DNAJC5: variants seen among roughly 807,000 people sequenced by gnomAD.
DNAJC5 encodes the protein DnaJ heat shock protein family (Hsp40) member C5.
Under a neutral mutation model 23.2 loss-of-function variants are expected in DNAJC5, and 1 was observed. That is an observed-to-expected ratio of 0.04 (90% CI 0.02 to 0.20). The LOEUF (loss-of-function observed/expected upper bound fraction) is 0.20. DNAJC5 is among the 10% of genes least tolerant of loss of function. DNAJC5 has a pLI of 1.00. For missense variants in DNAJC5, 180 were observed against 267.0 expected, an observed-to-expected ratio of 0.67 and a Z score of 2.27; for synonymous variants, 136 against 120.0, an observed-to-expected ratio of 1.13 and a Z score of -0.87.
intron 1 of DNAJC5, among the ~76,000 whole-genome samples, chr20:63,899,099 T>G (rs1205993569): frequency 1.3e-5 from 2 of 152,174 alleles, no homozygotes; most frequent in African/African-American, 4.8e-5. Context: ...TTCTGTCAGA[T>G]GAGGGTAGTG....
At chr20:63,918,268 G>A (rs1437199123) in intron 1 of DNAJC5, among the ~76,000 whole-genome samples, 1 of 152,164 alleles carries the variant, frequency 6.6e-6, no homozygotes, top group African/African-American at 2.4e-5. Context: ...TATAGTCCCA[G>A]CTACTCAGAG....
At chr20:63,906,755 C>T (rs1640502572) in intron 1 of DNAJC5, among the ~76,000 whole-genome samples, 1 of 152,066 alleles carries the variant, frequency 6.6e-6, no homozygotes, top group Non-Finnish European at 1.5e-5. Context: ...CACTGCACTC[C>T]AGCCTGGGTG....
chr20:63,912,509 A>C (rs1439167690), intron 1 of DNAJC5, among the ~76,000 whole-genome samples: 1 of 152,166 alleles, frequency 6.6e-6, no homozygotes, highest in African/African-American at 2.4e-5. Context: ...TACCCTTTTA[A>C]CTGTGTTCCA....
At chr20:63,902,616 C>T (rs1600860018) in intron 1 of DNAJC5, among the ~76,000 whole-genome samples, 3 of 150,018 alleles carry the variant, frequency 2.0e-5, no homozygotes, top group South Asian at 2.1e-4. Context: ...GATCCACTCA[C>T]CTCGGCCTCC....
rs2053637846 is a variant in DNAJC5, at chr20:63,928,862, A to C, written c.107+410A>C. ...GAACTGCACTCTTGGGTACAGTTTC[A>C]TTGAGTAACCTGTAAGAGACACCAT... On this transcript the variant is annotated intron_variant, in intron 2 of 4. Coordinates refer to ENST00000360864, the MANE Select transcript of DNAJC5 (RefSeq NM_025219.3). The surrounding 1 kb of genome is among the most constrained non-coding windows in gnomAD (Gnocchi z 4.6). Among the ~76,000 whole-genome samples, 1 of 152,184 alleles carries C rather than the reference A, an allele frequency of 6.6e-6. No homozygotes were observed. The highest frequency in any genetic ancestry group is 1.5e-5 in the Non-Finnish European group (1 of 68,030).
chr20:63,906,648 G>A (rs1438809755), intron 1 of DNAJC5, among the ~76,000 whole-genome samples: 1 of 151,986 alleles, frequency 6.6e-6, no homozygotes, highest in East Asian at 1.9e-4. Flanking sequence ...CGGGTGTGAT[G>A]GTGGGCGCCT....
chr20:63,913,052 G>C (rs906665914), intron 1 of DNAJC5, among the ~76,000 whole-genome samples: 1 of 79,328 alleles, frequency 1.3e-5, no homozygotes, highest in Non-Finnish European at 2.2e-5. Context: ...GGCATCTAGA[G>C]CAAAGAGGTA....
intron 1 of DNAJC5, chr20:63,919,945 C>T (rs202033298): frequency 0.059 from 15,790 of 267,042 alleles, 2,770 homozygotes; most frequent in East Asian, 0.25. Flanking sequence ...GCCCAGGGCC[C>T]GGGACAGCGC....
At chr20:63,930,061 GT>G (rs1247462741) in intron 3 of DNAJC5, among the ~76,000 whole-genome samples, 1 of 152,204 alleles carries the variant, frequency 6.6e-6, no homozygotes, top group South Asian at 2.1e-4. Context: ...TCGTTTCCTC[GT>G]TTTGTTCCAA....
intron 1 of DNAJC5, among the ~76,000 whole-genome samples, chr20:63,912,568 C>G (rs1195841435): frequency 6.6e-6 from 1 of 152,166 alleles, no homozygotes; most frequent in Admixed American, 6.5e-5. Flanking sequence ...CCTTGCCTGA[C>G]CTACCTGTCT....
chr20:63,903,026 TAGAG>T (rs113595650), intron 1 of DNAJC5, among the ~76,000 whole-genome samples: 10,164 of 151,890 alleles, frequency 0.067, 470 homozygotes, highest in Non-Finnish European at 0.079. Context: ...TCACCCAAGT[TAGAG>T]AGGAGTGACA....
Position 63,929,251 on chromosome 20 carries a change from G to A in DNAJC5, c.108-61G>A, listed in dbSNP as rs116782755. 1,984 of 1,559,258 alleles carry A rather than the reference G, an allele frequency of 1.3e-3. 19 individuals are homozygous for A. In the African/African-American group the frequency reaches 0.024, roughly 19 times the overall value. ...CAGTGCGTGCGGGTGGGATGGACGC[G>A]GCGGCGGGTGCGGGTGGAACAAAGT... On this transcript the variant is annotated intron_variant, in intron 2 of 4. Transcript: ENST00000360864. The surrounding 1 kb of genome is among the most constrained non-coding windows in gnomAD (Gnocchi z 8.6).
rs1194590928 is a variant in DNAJC5, at chr20:63,934,149, C to G, written c.*2581C>G. 1 of 152,254 alleles carries G rather than the reference C, an allele frequency of 6.6e-6. No homozygotes were observed. Among genetic ancestry groups the G allele is most frequent in the African/African-American group, 2.4e-5 (1 of 41,450 alleles). The allele number at this position is 152,254 out of a possible 1,614,324, so 9.4% of individuals were successfully genotyped here. A position where few individuals can be genotyped will look rare whatever the true frequency, so the allele number is the denominator to read the frequency against. On this transcript the variant is annotated 3_prime_UTR_variant, in exon 5 of 5. Coordinates refer to ENST00000360864, the MANE Select transcript of DNAJC5 (RefSeq NM_025219.3). ...TAGAAGCAGAACCGTTTTCAGCGCTCTGCCCTGTTGGCTTTAAGGCTTTGT... is the reference window on the plus strand; with the variant it reads ...TAGAAGCAGAACCGTTTTCAGCGCTGTGCCCTGTTGGCTTTAAGGCTTTGT...
intron 1 of DNAJC5, among the ~76,000 whole-genome samples, chr20:63,910,970 G>A (rs756539340): frequency 6.6e-6 from 1 of 152,118 alleles, no homozygotes; most frequent in African/African-American, 2.4e-5. Context: ...TGCCCGGCCT[G>A]TTCAATTCTT....
rs1277750635 is a variant in DNAJC5, at chr20:63,932,609, T to G, written c.*1041T>G. ...CTCCCACGACCCCTCCTCCTGTGTTTGCCAGAGCTCCCATCTGCCCCACTC... is the reference window on the plus strand; with the variant it reads ...CTCCCACGACCCCTCCTCCTGTGTTGGCCAGAGCTCCCATCTGCCCCACTC... On this transcript the variant is annotated 3_prime_UTR_variant, in exon 5 of 5. Transcript: ENST00000360864. The surrounding 1 kb of genome is among the most constrained non-coding windows in gnomAD (Gnocchi z 4.4). 1 of 152,574 alleles carries G rather than the reference T, an allele frequency of 6.6e-6. No individual in the cohort carries two copies. The highest frequency in any genetic ancestry group is 1.5e-5 in the Non-Finnish European group (1 of 68,106). The allele number at this position is 152,574 out of a possible 1,614,324, so 9.5% of individuals were successfully genotyped here.
At position 63,935,353 on chromosome 20, in the gene DNAJC5, A is replaced by T. The variant is rs2053709298; in HGVS notation, c.*3785A>T. On this transcript the variant is annotated 3_prime_UTR_variant, in exon 5 of 5. Coordinates refer to ENST00000360864, the MANE Select transcript of DNAJC5 (RefSeq NM_025219.3). ...GGAGGCTTTCCCAGCAGGTGCACAG[A>T]AGGAAGCGCTGAGCCCACTGTGTGC... 1.3e-5 allele frequency: 2 copies of T among 152,272 alleles called. No individual in the cohort carries two copies. The highest frequency in any genetic ancestry group is 4.8e-5 in the African/African-American group (2 of 41,444). The allele number at this position is 152,272 out of a possible 1,614,324, so 9.4% of individuals were successfully genotyped here.
Position 63,930,846 on chromosome 20 carries a change from C to G in DNAJC5, c.322-5C>G, listed in dbSNP as rs373568941. On this transcript the variant is annotated splice_region_variant and splice_polypyrimidine_tract_variant and intron_variant, in intron 3 of 4. Coordinates refer to ENST00000360864, the MANE Select transcript of DNAJC5 (RefSeq NM_025219.3). ...CCATGCAACACCACCTTCTTCTCCC[C>G]CCAGGCCCTGTTTGTCTTCTGCGGC... is the stretch of plus-strand genomic sequence containing the variant. 21 of 1,612,298 alleles carry G rather than the reference C, an allele frequency of 1.3e-5. No homozygotes were observed. Among genetic ancestry groups the G allele is most frequent in the African/African-American group, 4.0e-5 (3 of 74,892 alleles).
At chr20:63,919,426 A>G (rs777869867) in intron 1 of DNAJC5, 1 of 487,260 alleles carries the variant, frequency 2.1e-6, no homozygotes, top group Non-Finnish European at 4.1e-6. Context: ...GGACAGCGCC[A>G]CGGAAGAGGA....
At chr20:63,900,437 G>T (rs1281582095) in intron 1 of DNAJC5, among the ~76,000 whole-genome samples, 2 of 151,878 alleles carry the variant, frequency 1.3e-5, no homozygotes, top group Non-Finnish European at 2.9e-5. Flanking sequence ...AATTAGCCGG[G>T]TATGGTGACA....
Sources: allele counts gnomAD v4.1 joint callset (sites outside exome capture counted in the v4.1 genomes callset), GRCh38; gene constraint gnomAD v4.1.1; non-coding constraint Gnocchi (gnomAD v3.1); transcripts MANE v1.5; gene names NCBI Gene and HGNC (gene_info 2026-07-23, HGNC 2026-07-21).